STK32B: variants seen among roughly 807,000 people sequenced by gnomAD.
STK32B encodes the protein serine/threonine kinase 32B.
A neutral mutation model predicts 52.6 loss-of-function variants in STK32B; 43 were observed. The observed-to-expected ratio is 0.82, with a 90% confidence interval of 0.64 to 1.05. STK32B has a LOEUF of 1.05. Ranked by LOEUF, STK32B falls within the 50% of genes least tolerant of loss-of-function variation. STK32B has a pLI of 0.00. For missense variants in STK32B, 621 were observed against 534.6 expected (o/e 1.16, Z -1.59); for synonymous variants, 238 against 204.3 (o/e 1.17, Z -1.41).
chr4:5,287,412 A>AC (rs929866638), intron 3 of STK32B, among the ~76,000 whole-genome samples: 2 of 152,186 alleles, frequency 1.3e-5, no homozygotes, highest in African/African-American at 4.8e-5. Context: ...CCAATTGGAC[A>AC]CCCATTTTAA....
intron 3 of STK32B, among the ~76,000 whole-genome samples, chr4:5,320,058 G>A (rs1731385030): frequency 6.6e-6 from 1 of 152,122 alleles, no homozygotes; most frequent in South Asian, 2.1e-4. Context: ...CAGGAGGGTG[G>A]AACAGACACT....
intron 3 of STK32B, among the ~76,000 whole-genome samples, chr4:5,171,531 G>C (rs1325334192): frequency 6.6e-6 from 1 of 152,166 alleles, no homozygotes; most frequent in Non-Finnish European, 1.5e-5. Flanking sequence ...CATATGGCTA[G>C]CCAGTTTTCC....
intron 4 of STK32B, among the ~76,000 whole-genome samples, chr4:5,332,305 C>G (rs758050056): frequency 1.3e-5 from 2 of 152,060 alleles, no homozygotes; most frequent in Non-Finnish European, 2.9e-5. Flanking sequence ...GTAGAGTGAT[C>G]GATGACTTAG....
intron 7 of STK32B, among the ~76,000 whole-genome samples, chr4:5,451,065 A>T (rs1384648226): frequency 6.6e-6 from 1 of 152,230 alleles, no homozygotes; most frequent in East Asian, 1.9e-4. Context: ...GCCCACCTGC[A>T]GGGTCATGTG....
At chr4:5,416,989 A>C in intron 6 of STK32B, 55 bp downstream of exon 6, 9 of 1,495,048 alleles carry the variant, frequency 6.0e-6, no homozygotes, top group African/African-American at 1.4e-5. Flanking sequence ...CCTAAGACTC[A>C]GCATCCTTCT....
chr4:5,286,048 G>A (rs1434671985), intron 3 of STK32B, among the ~76,000 whole-genome samples: 4 of 152,012 alleles, frequency 2.6e-5, no homozygotes, highest in African/African-American at 9.7e-5. Context: ...GAAGACGGCC[G>A]TCTACAAGCC....
At chr4:5,095,592 G>A (rs528824452) in intron 1 of STK32B, among the ~76,000 whole-genome samples, 2 of 152,342 alleles carry the variant, frequency 1.3e-5, no homozygotes, top group East Asian at 3.9e-4. Context: ...TCCAACCTGG[G>A]TGACACAGCT....
At chr4:5,159,408 T>TTAC (rs1158168456) in intron 2 of STK32B, among the ~76,000 whole-genome samples, 1 of 150,576 alleles carries the variant, frequency 6.6e-6, no homozygotes, top group Non-Finnish European at 1.5e-5. Flanking sequence ...ACCAGATGTT[T>TTAC]TACTCGAGGT....
At chr4:5,261,063 A>G (rs1207186616) in intron 3 of STK32B, among the ~76,000 whole-genome samples, 1 of 151,866 alleles carries the variant, frequency 6.6e-6, no homozygotes, top group Admixed American at 6.6e-5. Flanking sequence ...AGTGGAGACA[A>G]CTCCAAACAT....
At chr4:5,486,259 T>C (rs548271002) in intron 11 of STK32B, among the ~76,000 whole-genome samples, 61 of 152,286 alleles carry the variant, frequency 4.0e-4, no homozygotes, top group Non-Finnish European at 7.9e-4. Context: ...CCAGCCTCTT[T>C]GTTTACCTAC....
intron 1 of STK32B, among the ~76,000 whole-genome samples, chr4:5,059,262 G>A (rs978655398): frequency 2.3e-4 from 35 of 151,782 alleles, no homozygotes; most frequent in African/African-American, 8.2e-4. Flanking sequence ...CGCCTATCCT[G>A]ACTGGTACAC....
intron 3 of STK32B, among the ~76,000 whole-genome samples, chr4:5,302,337 C>T (rs1486549862): frequency 6.6e-6 from 1 of 152,028 alleles, no homozygotes; most frequent in East Asian, 1.9e-4. Context: ...TTAAGTTTAA[C>T]ATATTAACAT....
At chr4:5,498,796 A>T in intron 11 of STK32B, 149 bp from the exon 12 acceptor site, 1 of 1,207,740 alleles carries the variant, frequency 8.3e-7, no homozygotes, top group East Asian at 2.9e-5. Context: ...AGTGCACAGC[A>T]CCGTGGATGC....
intron 3 of STK32B, among the ~76,000 whole-genome samples, chr4:5,209,455 C>T (rs1194586908): frequency 6.6e-6 from 1 of 152,142 alleles, no homozygotes; most frequent in East Asian, 1.9e-4. Context: ...AATACTTAGG[C>T]TAAAGTGATC....
intron 9 of STK32B, among the ~76,000 whole-genome samples, chr4:5,465,958 T>C (rs1717395620): frequency 6.6e-6 from 1 of 152,120 alleles, no homozygotes; most frequent in Admixed American, 6.5e-5. Flanking sequence ...GCTAATGAAC[T>C]GAGTCCCAAG....
intron 4 of STK32B, among the ~76,000 whole-genome samples, chr4:5,366,217 G>T (rs1157245431): frequency 1.3e-5 from 2 of 152,188 alleles, no homozygotes; most frequent in African/African-American, 4.8e-5. Flanking sequence ...TAAAAATGGG[G>T]ATGGGGATGA....
chr4:5,041,187 G>A, the STK32B span, among the ~76,000 whole-genome samples: 1 of 152,118 alleles, frequency 6.6e-6, no homozygotes, highest in Non-Finnish European at 1.5e-5. Context: ...GGTTCATGGA[G>A]CCTTTTAAAG....
intron 6 of STK32B, among the ~76,000 whole-genome samples, chr4:5,442,307 A>T (rs1232643755): frequency 1.3e-5 from 2 of 151,992 alleles, no homozygotes; most frequent in Non-Finnish European, 2.9e-5. Flanking sequence ...TTGCATATAT[A>T]TTTAGAATAG....
In STK32B at chr4:5,359,499, T is replaced by C. The variant is rs60556214; in HGVS notation, c.434+28106T>C. On this transcript the variant is annotated intron_variant, in intron 4 of 11. Transcript: ENST00000282908. The stretch of plus-strand genomic sequence containing the variant: ...AGCAGTGAACTAATGATCAAGTTTC[T>C]GCCATCTTAGTGCATATGTTCTAGT... 5.7e-3 allele frequency among the ~76,000 whole-genome samples: 872 copies of C among 152,194 alleles called. 19 individuals are homozygous for C. The highest frequency in any genetic ancestry group is 0.014 in the African/African-American group (601 of 41,512).
Sources: gnomAD v4.1 joint callset for allele counts (sites outside exome capture counted in the v4.1 genomes callset) on GRCh38, gnomAD v4.1.1 for gene constraint, MANE v1.5 for transcripts, NCBI Gene and HGNC (gene_info 2026-07-23, HGNC 2026-07-21) for gene names.